Variants in CHD6 observed in about 807,000 individuals in gnomAD.
CHD6 encodes the protein chromodomain helicase DNA binding protein 6.
CHD6 carries 50 observed loss-of-function variants against 276.9 expected under a neutral mutation model. The observed-to-expected ratio is 0.18, with a 90% confidence interval of 0.14 to 0.23. CHD6 has a LOEUF of 0.23. Among genes scored for constraint, CHD6 ranks in the 10% least tolerant of loss-of-function variants. The probability of loss-of-function intolerance (pLI) is 1.00; values close to 1 mark genes in which losing one functional copy is unlikely to be tolerated. For synonymous variants in CHD6, 1,173 were observed against 1,229.3 expected, an observed-to-expected ratio of 0.95 and a Z score of 0.96; for missense variants, 2,564 against 3,365.8, an observed-to-expected ratio of 0.76 and a Z score of 5.89.
At chr20:41,531,893 T>C (rs1329088092) in intron 3 of CHD6, among the ~76,000 whole-genome samples, 1 of 152,178 alleles carries the variant, frequency 6.6e-6, no homozygotes, top group East Asian at 1.9e-4. Context: ...CATTACTTTA[T>C]GTTTTGTTAG....
intron 2 of CHD6, among the ~76,000 whole-genome samples, chr20:41,539,154 TTC>T (rs1466893712): frequency 2.0e-5 from 3 of 152,216 alleles, no homozygotes; most frequent in African/African-American, 7.2e-5. Context: ...TGGTTCATCT[TTC>T]TTTCTTGCTC....
intron 5 of CHD6, among the ~76,000 whole-genome samples, chr20:41,504,434 A>ATTTTTTT (rs2043927482): frequency 8.5e-6 from 1 of 117,110 alleles, no homozygotes. Context: ...TTTAGACAGG[A>ATTTTTTT]TCTCACTCTG....
At chr20:41,618,058 C>T (rs933595637) in intron 1 of CHD6, among the ~76,000 whole-genome samples, 1 of 148,572 alleles carries the variant, frequency 6.7e-6, no homozygotes, top group Non-Finnish European at 1.5e-5. Context: ...AGGACGGCCG[C>T]CCGGCCCGAG....
intron 27 of CHD6, among the ~76,000 whole-genome samples, chr20:41,433,806 T>C (rs1470792932): frequency 6.6e-6 from 1 of 152,100 alleles, no homozygotes; most frequent in Non-Finnish European, 1.5e-5. Flanking sequence ...AACTATATTA[T>C]AAATGGAAGA....
At chr20:41,414,057 C>T (rs571365187) in intron 34 of CHD6, 2 of 152,210 alleles carry the variant, frequency 1.3e-5, no homozygotes, top group African/African-American at 4.8e-5. Context: ...ATCGGTCATT[C>T]CATTGGAATT....
rs2047176590 is a variant in CHD6, at chr20:41,421,131, T to C, written c.5504A>G (p.Lys1835Arg). 1.2e-6 allele frequency: 2 copies of C among 1,614,140 alleles called. No homozygotes were observed. Among genetic ancestry groups the C allele is most frequent in the African/African-American group, 1.3e-5 (1 of 75,046 alleles). The change falls in exon 31 of 37, where the codon AAA becomes AGA. Residue 1835 changes from lysine (K) to arginine (R), a missense_variant. Physicochemically the swap from Lys to Arg is conservative, Grantham distance 26. Coordinates refer to ENST00000373233, the MANE Select transcript of CHD6 (RefSeq NM_032221.5). Reference protein sequence around the residue: ...DMCSLSVCDSKRNLSSDQQLI... With the variant: ...DMCSLSVCDSRRNLSSDQQLI... Reference sequence around the variant, plus strand: ...TTGCTGATCTGATGACAGGTTTCTTTTGGAGTCACAGACACTAAGACTGCA... The same window carrying C: ...TTGCTGATCTGATGACAGGTTTCTTCTGGAGTCACAGACACTAAGACTGCA...
Position 41,493,535 on chromosome 20 carries a change from T to C in CHD6, c.1314+3A>G, listed in dbSNP as rs190198493. On this transcript the variant is annotated splice_donor_region_variant and intron_variant, in intron 10 of 36. Transcript: ENST00000373233. ...GTGCCAGAGAGAGACAAAACTACTTTACCACATGCTTAATTTCAGGGAGAA... is the reference window on the plus strand; with the variant it reads ...GTGCCAGAGAGAGACAAAACTACTTCACCACATGCTTAATTTCAGGGAGAA... 4.8e-3 allele frequency: 7,806 copies of C among 1,613,512 alleles called. 40 individuals are homozygous for C. The highest frequency in any genetic ancestry group is 7.4e-3 in the Middle Eastern group (45 of 6,052).
rs2046564896 is a variant in CHD6 at position 41,402,609 on chromosome 20, A to C, written c.*1984T>G. On this transcript the variant is annotated 3_prime_UTR_variant, in exon 37 of 37. Coordinates refer to ENST00000373233, the MANE Select transcript of CHD6 (RefSeq NM_032221.5). ...TTCAAGATACAGGAATTTTTATAGC[A>C]TTTGTATTTTAAGGATTTAGGGCAA... is the stretch of plus-strand genomic sequence containing the variant. The C allele has an allele frequency of 4.4e-6, 1 of 225,710 alleles. No homozygotes were observed. Among genetic ancestry groups the C allele is most frequent in the Non-Finnish European group, 8.8e-6 (1 of 113,456 alleles). 14.0% of individuals were successfully genotyped at this position (225,710 alleles called of 1,614,324 possible). A position where few individuals can be genotyped will look rare whatever the true frequency, so the allele number is the denominator to read the frequency against.
At chr20:41,435,603 CAAAAAAAA>C (rs34895530) in intron 27 of CHD6, among the ~76,000 whole-genome samples, 2 of 110,190 alleles carry the variant, frequency 1.8e-5, no homozygotes, top group South Asian at 6.1e-4. Flanking sequence ...GACCCTGAGT[CAAAAAAAA>C]AAAAAAAAAA....
Position 41,415,515 on chromosome 20 carries a change from T to C in CHD6, c.6610A>G (p.Thr2204Ala). The C allele has an allele frequency of 1.9e-6, 3 of 1,614,056 alleles. No homozygotes were observed. The highest frequency in any genetic ancestry group is 2.5e-6 in the Non-Finnish European group (3 of 1,179,986). The change falls in exon 34 of 37, where the codon ACC becomes GCC. Residue 2204 changes from threonine to alanine, a missense_variant. Physicochemically the swap from Thr to Ala is moderately conservative, Grantham distance 58 (BLOSUM62 0). This residue lies in a region of CHD6 where 1,024 missense variants were observed against 1,047.9 expected (regional missense o/e 0.98). Transcript: ENST00000373233. ...TGCCAGCCATTGAGGATGATAGGGG[T>C]GTGCCCGTGGGTGGCAGAGAACTGC... is the stretch of plus-strand genomic sequence containing the variant. ...LEQFSATHGH[T>A]PIILNGWHGE...
At chr20:41,549,058 G>T (rs547413340) in intron 2 of CHD6, among the ~76,000 whole-genome samples, 1 of 152,264 alleles carries the variant, frequency 6.6e-6, no homozygotes, top group African/African-American at 2.4e-5. Flanking sequence ...CTGTAAACTA[G>T]TTCAACCATT....
At chr20:41,416,034 C>T (rs150091476) in intron 33 of CHD6, among the ~76,000 whole-genome samples, 99 of 152,316 alleles carry the variant, frequency 6.5e-4, no homozygotes, top group Non-Finnish European at 1.2e-3. Flanking sequence ...TAGCTTGTCA[C>T]GGTCCCCAGC....
At chr20:41,561,839 T>C (rs1274752581) in intron 1 of CHD6, among the ~76,000 whole-genome samples, 1 of 152,202 alleles carries the variant, frequency 6.6e-6, no homozygotes, top group Admixed American at 6.5e-5. Flanking sequence ...TTTCTGCCCA[T>C]TTGTATGTGA....
chr20:41,437,795 T>A (rs1170761710), intron 26 of CHD6, among the ~76,000 whole-genome samples: 1 of 152,148 alleles, frequency 6.6e-6, no homozygotes, highest in Non-Finnish European at 1.5e-5. Flanking sequence ...TGACAATAGA[T>A]CCCTTCTTCT....
At chr20:41,501,086 T>G (rs2043819858) in intron 5 of CHD6, among the ~76,000 whole-genome samples, 2 of 152,160 alleles carry the variant, frequency 1.3e-5, no homozygotes. Context: ...AGTGAACAGG[T>G]GCTAGGTTAA....
chr20:41,574,330 T>C (rs2045450434), intron 1 of CHD6, among the ~76,000 whole-genome samples: 1 of 152,192 alleles, frequency 6.6e-6, no homozygotes, highest in Admixed American at 6.5e-5. Flanking sequence ...GCATGGGTCC[T>C]ACCTATACTT....
rs137913581 is a variant in CHD6 at position 41,569,731 on chromosome 20, T to A, written c.-23-18371A>T. 3.3e-4 allele frequency among the ~76,000 whole-genome samples: 51 copies of A among 152,332 alleles called. 1 individual carries two copies. In the East Asian group the frequency reaches 6.2e-3, roughly 18 times the overall value. On this transcript the variant is annotated intron_variant, in intron 1 of 36. Coordinates refer to ENST00000373233, the MANE Select transcript of CHD6 (RefSeq NM_032221.5). ...TAAGGCAATTAAAATATAAAATTTT[T>A]AAAAATATAAAAATACAACTTTTTA...
intron 19 of CHD6, among the ~76,000 whole-genome samples, chr20:41,455,262 G>A (rs2048347517): frequency 6.6e-6 from 1 of 152,178 alleles, no homozygotes; most frequent in South Asian, 2.1e-4. Context: ...GCTCACACAG[G>A]AATCAGCAGT....
At chr20:41,612,493 C>A (rs1454342542) in intron 1 of CHD6, among the ~76,000 whole-genome samples, 1 of 152,124 alleles carries the variant, frequency 6.6e-6, no homozygotes, top group Non-Finnish European at 1.5e-5. Flanking sequence ...GATTCTATCA[C>A]AGGATCAACA....
Sources: gnomAD v4.1 joint callset for allele counts (sites outside exome capture counted in the v4.1 genomes callset) on GRCh38, gnomAD v4.1.1 for gene constraint, gnomAD v4.1.1 regional missense constraint, MANE v1.5 for transcripts, NCBI Gene and HGNC (gene_info 2026-07-23, HGNC 2026-07-21) for gene names.